DPF3: variants seen among roughly 807,000 people sequenced by gnomAD.
DPF3 encodes zinc finger protein DPF3.
Under a neutral mutation model 56.8 loss-of-function variants are expected in DPF3, and 18 were observed. The observed-to-expected ratio is 0.32, with a 90% CI of 0.22 to 0.47. The LOEUF (loss-of-function observed/expected upper bound fraction) is 0.47, where lower values mean the gene tolerates loss of function less well. DPF3 is among the 20% of genes least tolerant of loss of function. The pLI, the probability that DPF3 is intolerant of heterozygous loss-of-function variation, is 1.00. For synonymous variants in DPF3, 188 were observed against 180.2 expected (o/e 1.04, Z -0.35); for missense variants, 403 against 488.8 (o/e 0.82, Z 1.65).
intron 1 of DPF3, among the ~76,000 whole-genome samples, chr14:72,845,905 C>T (rs1047908478): frequency 7.9e-5 from 12 of 152,074 alleles, no homozygotes; most frequent in African/African-American, 2.9e-4. Flanking sequence ...TACCCCAACC[C>T]TTGTCAGTGC....
At chr14:72,675,246 C>A (rs74447567) in intron 7 of DPF3, among the ~76,000 whole-genome samples, 2,667 of 152,268 alleles carry the variant, frequency 0.018, 38 homozygotes, top group Middle Eastern at 0.037. Context: ...CCTTATGCAC[C>A]AAAATCATTC....
chr14:72,877,314 G>A (rs1262619463), intron 1 of DPF3, among the ~76,000 whole-genome samples: 3 of 152,192 alleles, frequency 2.0e-5, no homozygotes, highest in Non-Finnish European at 4.4e-5. Context: ...GGAGAGAGGT[G>A]GAGATGCTGT....
At chr14:72,886,814 G>A (rs1192036421) in intron 1 of DPF3, among the ~76,000 whole-genome samples, 1 of 152,066 alleles carries the variant, frequency 6.6e-6, no homozygotes, top group Non-Finnish European at 1.5e-5. Flanking sequence ...ATGTTCTGGA[G>A]ACATGTCACT....
chr14:72,699,450 A>T (rs1158614511), intron 6 of DPF3, among the ~76,000 whole-genome samples: 1 of 143,776 alleles, frequency 7.0e-6, no homozygotes, highest in Non-Finnish European at 1.5e-5. Flanking sequence ...TGAGCCCAGG[A>T]GGTCGAGGGT....
At chr14:72,781,907 A>G (rs927232100) in intron 1 of DPF3, among the ~76,000 whole-genome samples, 3 of 152,230 alleles carry the variant, frequency 2.0e-5, no homozygotes, top group Non-Finnish European at 4.4e-5. Flanking sequence ...AATCATACCT[A>G]GAAAGAAAAC....
intron 10 of DPF3, 50 bp downstream of exon 10, chr14:72,619,850 CTAG>C (rs1390648961): frequency 5.1e-5 from 74 of 1,453,930 alleles, no homozygotes; most frequent in South Asian, 8.1e-5. Context: ...TCAGTAAGTG[CTAG>C]TAGTAGTAGT....
At chr14:72,694,693 C>T (rs1387119094) in intron 6 of DPF3, among the ~76,000 whole-genome samples, 1 of 152,202 alleles carries the variant, frequency 6.6e-6, no homozygotes, top group East Asian at 1.9e-4. Context: ...ACCACCAAAA[C>T]AATATCTTCA....
At chr14:72,812,597 T>G (rs1883099251) in intron 1 of DPF3, among the ~76,000 whole-genome samples, 1 of 151,970 alleles carries the variant, frequency 6.6e-6, no homozygotes, top group African/African-American at 2.4e-5. Context: ...GAAACACTGC[T>G]GGCGGAGCGG....
intron 3 of DPF3, among the ~76,000 whole-genome samples, chr14:72,747,283 G>A (rs1243649781): frequency 1.3e-5 from 2 of 152,206 alleles, no homozygotes; most frequent in Non-Finnish European, 2.9e-5. Flanking sequence ...TGGTTATGAT[G>A]ATGATGATTA....
intron 2 of DPF3, among the ~76,000 whole-genome samples, chr14:72,767,975 C>T (rs965056262): frequency 3.3e-5 from 5 of 152,010 alleles, no homozygotes; most frequent in African/African-American, 9.7e-5. Flanking sequence ...CATCACTAAC[C>T]ATCAGAAAGA....
intron 1 of DPF3, among the ~76,000 whole-genome samples, chr14:72,834,636 G>A (rs1599483080): frequency 6.6e-6 from 1 of 152,024 alleles, no homozygotes; most frequent in East Asian, 1.9e-4. Context: ...AAACAGCTTG[G>A]CAGTTCCTCA....
At chr14:72,863,136 G>A (rs12887388) in intron 1 of DPF3, among the ~76,000 whole-genome samples, 81,084 of 127,116 alleles carry the variant, frequency 0.64, 23,257 homozygotes, top group South Asian at 0.68. Context: ...GTGTGTGTGT[G>A]TATATATATA....
intron 8 of DPF3, among the ~76,000 whole-genome samples, chr14:72,636,305 T>A (rs372448140): frequency 1.9e-4 from 29 of 152,304 alleles, no homozygotes; most frequent in African/African-American, 6.3e-4. Context: ...AGCTAAAGCA[T>A]TTATGCAAAG....
chr14:72,789,211 T>C (rs1209820847), intron 1 of DPF3, among the ~76,000 whole-genome samples: 9 of 152,160 alleles, frequency 5.9e-5, no homozygotes, highest in Non-Finnish European at 1.2e-4. Flanking sequence ...GCCCTGACAG[T>C]GGGCGGGACA....
chr14:72,837,999 C>T (rs936151129), intron 1 of DPF3, among the ~76,000 whole-genome samples: 2 of 152,198 alleles, frequency 1.3e-5, no homozygotes, highest in African/African-American at 4.8e-5. Context: ...GAATCTGTGG[C>T]AGCTTCCACA....
intron 8 of DPF3, among the ~76,000 whole-genome samples, chr14:72,630,649 G>A (rs1339487672): frequency 6.6e-6 from 1 of 152,194 alleles, no homozygotes; most frequent in Non-Finnish European, 1.5e-5. Flanking sequence ...ATGTGGCATG[G>A]AAGGATAACT....
At chr14:72,884,948 A>ATATATATATATATATATATATATG (rs1886463943) in intron 1 of DPF3, among the ~76,000 whole-genome samples, 1 of 80,830 alleles carries the variant, frequency 1.2e-5, no homozygotes, top group Non-Finnish European at 2.7e-5. Context: ...TACTATATAT[A>ATATATATATATATATATATATATG]TATATATATA....
At chr14:72,744,702 G>A (rs995848155) in intron 3 of DPF3, among the ~76,000 whole-genome samples, 9 of 152,010 alleles carry the variant, frequency 5.9e-5, no homozygotes, top group Admixed American at 1.3e-4. Flanking sequence ...TCTGACCCTC[G>A]TTACCCCTGG....
At chr14:72,766,163 G>A (rs1284830177) in intron 2 of DPF3, among the ~76,000 whole-genome samples, 1 of 152,194 alleles carries the variant, frequency 6.6e-6, no homozygotes, top group Non-Finnish European at 1.5e-5. Context: ...TTTATTGTAT[G>A]TAATTATACT....
Sources: gnomAD v4.1 joint callset for allele counts (sites outside exome capture counted in the v4.1 genomes callset) on GRCh38, gnomAD v4.1.1 for gene constraint, MANE v1.5 for transcripts, NCBI Gene and HGNC (gene_info 2026-07-23, HGNC 2026-07-21) for gene names.